VGLL4: variants seen among roughly 807,000 people sequenced by gnomAD.
VGLL4 encodes the protein vestigial like family member 4.
In VGLL4, 7 loss-of-function variants were observed where a neutral mutation model predicts 21.0. That is an observed-to-expected ratio of 0.33 (90% CI 0.19 to 0.63). The LOEUF is 0.63. Ranked by LOEUF, VGLL4 falls within the 20% of genes least tolerant of loss-of-function variation. VGLL4 has a pLI of 0.78. For missense variants in VGLL4, 394 were observed against 425.7 expected, an observed-to-expected ratio of 0.93 and a Z score of 0.66; for synonymous variants, 222 against 173.2, an observed-to-expected ratio of 1.28 and a Z score of -2.21.
intron 2 of VGLL4, among the ~76,000 whole-genome samples, chr3:11,678,954 C>G (rs1219247093): frequency 1.3e-5 from 2 of 152,174 alleles, no homozygotes; most frequent in African/African-American, 4.8e-5. Flanking sequence ...TGTGCAACGC[C>G]TTACGTGTTT....
chr3:11,642,536 T>C (rs998205415), intron 1 of VGLL4, among the ~76,000 whole-genome samples: 16 of 152,160 alleles, frequency 1.1e-4, no homozygotes, highest in African/African-American at 3.6e-4. Context: ...GTGTGTGTGG[T>C]TACAACAGAA....
intron 2 of VGLL4, among the ~76,000 whole-genome samples, chr3:11,574,310 C>G (rs144877480): frequency 1.3e-5 from 2 of 152,192 alleles, no homozygotes; most frequent in Non-Finnish European, 2.9e-5. Context: ...AAAGCTTCCT[C>G]TGGACATTTA....
At chr3:11,600,760 A>G (rs2074774318) in intron 2 of VGLL4, among the ~76,000 whole-genome samples, 1 of 152,146 alleles carries the variant, frequency 6.6e-6, no homozygotes. Flanking sequence ...AGGAGCCCTC[A>G]CAGGAAGGTA....
At position 11,557,553 on chromosome 3, in the gene VGLL4, C is replaced by T. The variant is rs552077876; in HGVS notation, c.*1003G>A. 6 of 152,630 alleles carry T rather than the reference C, an allele frequency of 3.9e-5. No homozygotes were observed. Among genetic ancestry groups the T allele is most frequent in the Admixed American group, 6.5e-5 (1 of 15,304 alleles). The allele number at this position is 152,630 out of a possible 1,614,324, so 9.5% of individuals were successfully genotyped here. A position where few individuals can be genotyped will look rare whatever the true frequency, so the allele number is the denominator to read the frequency against. Reference sequence around the variant, plus strand: ...GAGGGCCTGCCAGGAGCTGGCCTCCCGCACTACTTGTGAGTAAAGTGAATA... The same window carrying T: ...GAGGGCCTGCCAGGAGCTGGCCTCCTGCACTACTTGTGAGTAAAGTGAATA... On this transcript the variant is annotated 3_prime_UTR_variant, in exon 5 of 5. Transcript: ENST00000430365.
intron 2 of VGLL4, among the ~76,000 whole-genome samples, chr3:11,655,395 C>T (rs984189283): frequency 1.7e-4 from 26 of 152,240 alleles, no homozygotes; most frequent in South Asian, 1.5e-3. Context: ...GACTAGGGGG[C>T]GACGTGAGCC....
chr3:11,625,107 C>G (rs1284167298), intron 1 of VGLL4, among the ~76,000 whole-genome samples: 20 of 152,226 alleles, frequency 1.3e-4, no homozygotes, highest in Admixed American at 1.2e-3. Context: ...CACATGCTAA[C>G]TTCTAAAGGT....
rs558325110 is a variant in VGLL4 at position 11,692,842 on chromosome 3, C to A, written c.64+10129G>T. ...AATTTTTTCTCTGATACCTCCCCCA[C>A]CCAGTCTACTGCAAAGGCTCTTGCT... On this transcript the variant is annotated intron_variant, in intron 2 of 5. Coordinates refer to the VGLL4 transcript ENST00000273038. Among the ~76,000 whole-genome samples the A allele has an allele frequency of 1.3e-3, 199 of 152,242 alleles. 1 individual carries two copies. Among genetic ancestry groups the A allele is most frequent in the Non-Finnish European group, 9.1e-4 (62 of 68,022 alleles).
chr3:11,558,372 C>A lies in VGLL4; in HGVS notation c.*184G>T. On this transcript the variant is annotated 3_prime_UTR_variant, in exon 5 of 5. Transcript: ENST00000430365. ...TTCCTGCTATCATGTTTGAGGGCCC[C>A]CTTGTACGGATACCAAGCAAGTACA... 1.0e-6 allele frequency: 1 copy of A among 971,246 alleles called. No individual in the cohort carries two copies. 60.2% of individuals were successfully genotyped at this position (971,246 alleles called of 1,614,324 possible).
At chr3:11,716,101 A>C (rs1312855329) in intron 1 of VGLL4, among the ~76,000 whole-genome samples, 1 of 152,016 alleles carries the variant, frequency 6.6e-6, no homozygotes, top group African/African-American at 2.4e-5. Context: ...CAGGAGTTCA[A>C]GACCAGCTTG....
intron 1 of VGLL4, among the ~76,000 whole-genome samples, chr3:11,710,702 G>C (rs2076830276): frequency 6.6e-6 from 1 of 152,172 alleles, no homozygotes; most frequent in Non-Finnish European, 1.5e-5. Flanking sequence ...CACTCCCTGA[G>C]CTAAAACCAA....
intron 2 of VGLL4, among the ~76,000 whole-genome samples, chr3:11,649,125 G>T (rs1049769725): frequency 2.0e-5 from 3 of 152,166 alleles, no homozygotes; most frequent in Non-Finnish European, 4.4e-5. Flanking sequence ...CCAAATAAAA[G>T]GATGCATTAA....
At chr3:11,575,687 C>T (rs113541543) in intron 2 of VGLL4, among the ~76,000 whole-genome samples, 570 of 152,348 alleles carry the variant, frequency 3.7e-3, no homozygotes, top group African/African-American at 0.013. Context: ...CTGTCGGAAA[C>T]GCTGCTGCTG....
intron 2 of VGLL4, among the ~76,000 whole-genome samples, chr3:11,582,724 C>A (rs373228740): frequency 6.6e-6 from 1 of 152,142 alleles, no homozygotes; most frequent in Non-Finnish European, 1.5e-5. Flanking sequence ...GAAGTGGAGA[C>A]GCTCCGAAGG....
chr3:11,622,353 A>G (rs2075278654), intron 1 of VGLL4, among the ~76,000 whole-genome samples: 1 of 152,142 alleles, frequency 6.6e-6, no homozygotes, highest in African/African-American at 2.4e-5. Flanking sequence ...GATATTTACC[A>G]CTGACATTCT....
chr3:11,644,014 A>C, upstream of VGLL4: 1 of 984,302 alleles, frequency 1.0e-6, no homozygotes, highest in Non-Finnish European at 1.2e-6. Flanking sequence ...TCTGCACAGG[A>C]TCAGCCTCTC....
At chr3:11,638,957 T>A (rs1374118130) in intron 1 of VGLL4, among the ~76,000 whole-genome samples, 1 of 152,222 alleles carries the variant, frequency 6.6e-6, no homozygotes, top group African/African-American at 2.4e-5. Context: ...TAACTGTGCC[T>A]AAAACAATGA....
At chr3:11,718,442 T>C (rs117840031) in intron 1 of VGLL4, among the ~76,000 whole-genome samples, 1,906 of 152,232 alleles carry the variant, frequency 0.013, 52 homozygotes, top group East Asian at 0.11. Context: ...CTCCTTAAAC[T>C]GCCCACTCTA....
At chr3:11,612,561 C>G (rs2075084007) in intron 1 of VGLL4, 1 of 152,176 alleles carries the variant, frequency 6.6e-6, no homozygotes, top group South Asian at 2.1e-4. Context: ...CCCTGGTTTC[C>G]CGATGCAGAT....
At chr3:11,597,099 T>G (rs1010675992) in intron 2 of VGLL4, among the ~76,000 whole-genome samples, 1 of 152,168 alleles carries the variant, frequency 6.6e-6, no homozygotes, top group African/African-American at 2.4e-5. Context: ...GGTTCTTGTT[T>G]GTCAACTCTG....
Sources: allele counts gnomAD v4.1 joint callset (sites outside exome capture counted in the v4.1 genomes callset), GRCh38; gene constraint gnomAD v4.1.1; transcripts MANE v1.5; gene names NCBI Gene and HGNC (gene_info 2026-07-23, HGNC 2026-07-21).